HELZ: variants seen among roughly 807,000 people sequenced by gnomAD.
HELZ encodes the protein ATP-dependent RNA helicase with zinc finger domain.
In HELZ, 23 loss-of-function variants were observed where a neutral mutation model predicts 218.2. That is an observed-to-expected ratio of 0.11 (90% CI 0.08 to 0.15). HELZ has a LOEUF of 0.15. Among genes scored for constraint, HELZ ranks in the 10% least tolerant of loss-of-function variants. The pLI, the probability that HELZ is intolerant of heterozygous loss-of-function variation, is 1.00. For missense variants in HELZ, 1,813 were observed against 2,353.7 expected, an observed-to-expected ratio of 0.77 and a Z score of 4.75; for synonymous variants, 814 against 829.4, an observed-to-expected ratio of 0.98 and a Z score of 0.32.
chr17:67,109,859 T>A (rs2037227804), intron 28 of HELZ, among the ~76,000 whole-genome samples, 173 bp from the exon 29 acceptor site: 1 of 152,106 alleles, frequency 6.6e-6, no homozygotes, highest in Admixed American at 6.5e-5. Flanking sequence ...AATTTTTTTT[T>A]AATTTAAAAA....
intron 8 of HELZ, among the ~76,000 whole-genome samples, chr17:67,194,687 G>GA (rs2039979384): frequency 6.6e-6 from 1 of 151,920 alleles, no homozygotes; most frequent in Non-Finnish European, 1.5e-5. Flanking sequence ...AGGATAATGA[G>GA]AAAAAAAGGC....
chr17:67,122,289 T>C (rs1474509151), intron 26 of HELZ, among the ~76,000 whole-genome samples: 1 of 152,116 alleles, frequency 6.6e-6, no homozygotes, highest in African/African-American at 2.4e-5. Context: ...CTCACACCTG[T>C]AATCCCAGCA....
At chr17:67,228,779 C>T (rs937574466) in intron 3 of HELZ, among the ~76,000 whole-genome samples, 8 of 151,782 alleles carry the variant, frequency 5.3e-5, no homozygotes, top group African/African-American at 1.5e-4. Flanking sequence ...AGTGCAATAA[C>T]GCAATCTCGG....
intron 11 of HELZ, among the ~76,000 whole-genome samples, 155 bp downstream of exon 11, chr17:67,189,434 G>A (rs28367273): frequency 0.039 from 5,861 of 152,008 alleles, 386 homozygotes; most frequent in African/African-American, 0.13. Flanking sequence ...AATGATCAAA[G>A]TACAGAAATA....
At chr17:67,145,115 A>G (rs1265625998) in intron 21 of HELZ, among the ~76,000 whole-genome samples, 2 of 152,164 alleles carry the variant, frequency 1.3e-5, no homozygotes, top group South Asian at 4.1e-4. Flanking sequence ...ATGATATGCC[A>G]TCCTCGGGCT....
chr17:67,233,110 G>C (rs1223560772), intron 3 of HELZ, among the ~76,000 whole-genome samples: 2 of 152,226 alleles, frequency 1.3e-5, no homozygotes, highest in Non-Finnish European at 2.9e-5. Flanking sequence ...CTCCAGCTTA[G>C]GCGAAGAAGC....
At chr17:67,189,769 T>C in intron 10 of HELZ, 73 bp from the exon 11 acceptor site, 1 of 963,390 alleles carries the variant, frequency 1.0e-6, no homozygotes, top group South Asian at 1.3e-5. Flanking sequence ...GCATGGAAAA[T>C]AAATGTCAAC....
At chr17:67,195,566 G>A (rs1428499955) in intron 7 of HELZ, 96 bp from the exon 8 acceptor site, 2 of 697,878 alleles carry the variant, frequency 2.9e-6, no homozygotes, top group Admixed American at 2.4e-5. Context: ...AGGTGAAGTT[G>A]GAATACTCAG....
At chr17:67,245,282 G>T (rs28362579), upstream of HELZ, 1 of 914,886 alleles carries the variant, frequency 1.1e-6, no homozygotes, top group Non-Finnish European at 1.3e-6. Context: ...CGCCCCCTCC[G>T]GCCGCGCCTC....
At chr17:67,216,371 C>T (rs372730068) in intron 4 of HELZ, among the ~76,000 whole-genome samples, 4 of 152,264 alleles carry the variant, frequency 2.6e-5, no homozygotes, top group African/African-American at 4.8e-5. Flanking sequence ...TCAACTCAGC[C>T]GCCTACGCAG....
chr17:67,163,524 G>A (rs781649358), intron 15 of HELZ, among the ~76,000 whole-genome samples: 3 of 151,716 alleles, frequency 2.0e-5, no homozygotes, highest in Admixed American at 6.6e-5. Context: ...TCAGCCTCCC[G>A]AGTAGCTGGG....
chr17:67,234,043 C>CAAA (rs551566138), intron 3 of HELZ, among the ~76,000 whole-genome samples: 4 of 98,646 alleles, frequency 4.1e-5, no homozygotes, highest in Non-Finnish European at 7.9e-5. Flanking sequence ...GACTCCATCT[C>CAAA]AAAAAAAAAA....
chr17:67,195,437 C>T lies in HELZ; in HGVS notation c.463G>A (p.Val155Met), dbSNP rs1223951091. 1.2e-5 allele frequency: 20 copies of T among 1,605,820 alleles called. No homozygotes were observed. The highest frequency in any genetic ancestry group is 4.4e-5 in the South Asian group (4 of 90,784). Residue 155 changes from valine (V) to methionine (M), a missense_variant, in exon 8 of 33, where the codon GTG becomes ATG. This residue lies in a region of HELZ where 714 missense variants were observed against 1,029.2 expected (regional missense o/e 0.69). Transcript: ENST00000358691. The part of the protein sequence containing the change: ...ATSNALSGYH[V>M]EDLDEGSCNG... ...CACTTACCCTCATCTAAGTCTTCCA[C>T]GTGATATCCAGAGAGGGCGTTACTA... is the stretch of plus-strand genomic sequence containing the variant.
intron 3 of HELZ, among the ~76,000 whole-genome samples, chr17:67,223,091 CAA>C (rs1170812696): frequency 8.9e-4 from 85 of 95,114 alleles, no homozygotes; most frequent in African/African-American, 2.3e-3. Context: ...ACTAAAAATA[CAA>C]AAAAAAAAAA....
chr17:67,084,371 AAAAG>A (rs2036288383), intron 32 of HELZ, among the ~76,000 whole-genome samples: 1 of 152,220 alleles, frequency 6.6e-6, no homozygotes, highest in East Asian at 1.9e-4. Context: ...TAGGTTAAAA[AAAAG>A]AAAGAGGCCG....
rs1461666883 is a variant in HELZ, at chr17:67,075,705, T to G, written c.*2547A>C. ...GGCATTATGTAATGCTGAGGAAGAGTAAGCTTGTTGTAAGTCAAAATAAGC... is the reference window on the plus strand; with the variant it reads ...GGCATTATGTAATGCTGAGGAAGAGGAAGCTTGTTGTAAGTCAAAATAAGC... On this transcript the variant is annotated 3_prime_UTR_variant, in exon 33 of 33. Transcript: ENST00000358691. 2 of 152,140 alleles carry G rather than the reference T, an allele frequency of 1.3e-5. No homozygotes were observed. The highest frequency in any genetic ancestry group is 2.1e-4 in the South Asian group (1 of 4,826). The allele number at this position is 152,140 out of a possible 1,614,324, so 9.4% of individuals were successfully genotyped here.
chr17:67,149,589 A>G (rs1297055451), intron 19 of HELZ, among the ~76,000 whole-genome samples: 1 of 152,208 alleles, frequency 6.6e-6, no homozygotes, highest in African/African-American at 2.4e-5. Flanking sequence ...TTCACAAAAA[A>G]AAGTAAGAAT....
intron 7 of HELZ, among the ~76,000 whole-genome samples, chr17:67,198,535 C>T (rs886174190): frequency 2.0e-5 from 3 of 152,230 alleles, no homozygotes; most frequent in Non-Finnish European, 2.9e-5. Flanking sequence ...TAGTCTTTAC[C>T]GACACCTTCA....
chr17:67,112,666 T>C (rs7219319), intron 28 of HELZ, among the ~76,000 whole-genome samples: 12,984 of 152,242 alleles, frequency 0.085, 1,802 homozygotes, highest in African/African-American at 0.29. Flanking sequence ...TAGGCTGAGG[T>C]TGGAGATACA....
Sources: gnomAD v4.1 joint callset for allele counts (sites outside exome capture counted in the v4.1 genomes callset) on GRCh38, gnomAD v4.1.1 for gene constraint, gnomAD v4.1.1 regional missense constraint, MANE v1.5 for transcripts, NCBI Gene and HGNC (gene_info 2026-07-23, HGNC 2026-07-21) for gene names.